Variants in TMEM114 observed in about 807,000 individuals in gnomAD.
TMEM114 encodes the protein transmembrane protein 114.
Under a neutral mutation model 6.2 loss-of-function variants are expected in TMEM114, and 6 were observed. That is an observed-to-expected ratio of 0.97 (90% confidence interval 0.53 to 1.91). The LOEUF is 1.91. Ranked by LOEUF, TMEM114 falls within the 40% of genes most tolerant of loss-of-function variation. TMEM114 has a pLI of 0.01. For missense variants in TMEM114, 218 were observed against 158.3 expected (o/e 1.38, Z -2.02); for synonymous variants, 104 against 73.0 (o/e 1.42, Z -2.16).
At chr16:8,550,295 T>C (rs1375238236) in intron 2 of TMEM114, among the ~76,000 whole-genome samples, 1 of 152,202 alleles carries the variant, frequency 6.6e-6, no homozygotes, top group South Asian at 2.1e-4. Flanking sequence ...CCAGAAACAA[T>C]ACTTTGCATC....
intron 2 of TMEM114, among the ~76,000 whole-genome samples, chr16:8,557,734 A>G (rs1901061566): frequency 1.3e-5 from 2 of 152,232 alleles, no homozygotes; most frequent in Non-Finnish European, 1.5e-5. Flanking sequence ...CATTTTGGGA[A>G]AGATAATAAC....
At chr16:8,554,705 A>C (rs1456081143) in intron 2 of TMEM114, among the ~76,000 whole-genome samples, 1 of 152,214 alleles carries the variant, frequency 6.6e-6, no homozygotes, top group African/African-American at 2.4e-5. Context: ...GAAATGAGTC[A>C]AATAAGAATC....
intron 2 of TMEM114, among the ~76,000 whole-genome samples, chr16:8,562,495 A>G (rs1901279950): frequency 6.6e-6 from 1 of 150,942 alleles, no homozygotes; most frequent in African/African-American, 2.5e-5. Flanking sequence ...TGAGTATGTG[A>G]ATGAGTAAAT....
downstream of TMEM114, among the ~76,000 whole-genome samples, chr16:8,535,943 G>T (rs537879668): frequency 2.0e-5 from 3 of 152,260 alleles, no homozygotes; most frequent in South Asian, 6.2e-4. Context: ...TGAAGGGAGT[G>T]GGGAGGGCGC....
Position 8,561,819 on chromosome 16 carries a change from A to AGTGAATGAGTGAGTGAAGGAGGAG in TMEM114, n.213-23994_213-23993insCTCCTCCTTCACTCACTCATTCAC, listed in dbSNP as rs1194191040. Reference sequence around the variant, plus strand: ...TAGTGAATGAGTGAGTGAAGGAGGGAGTGAATGAGTGAGTGAATGAGTGAG... The same window carrying AGTGAATGAGTGAGTGAAGGAGGAG: ...TAGTGAATGAGTGAGTGAAGGAGGGAGTGAATGAGTGAGTGAAGGAGGAGGTGAATGAGTGAGTGAATGAGTGAG... On this transcript the variant is annotated intron_variant and non_coding_transcript_variant, in intron 2 of 2. Coordinates refer to the TMEM114 transcript ENST00000623677. Among the ~76,000 whole-genome samples the AGTGAATGAGTGAGTGAAGGAGGAG allele has an allele frequency of 9.2e-3, 1,161 of 125,682 alleles. 21 individuals carry two copies. Among genetic ancestry groups the AGTGAATGAGTGAGTGAAGGAGGAG allele is most frequent in the African/African-American group, 0.03 (1,092 of 36,828 alleles). The allele number at this position is 125,682 out of a possible 152,430, so 82.5% of individuals were successfully genotyped here.
chr16:8,535,484 C>T (rs927194904), downstream of TMEM114, among the ~76,000 whole-genome samples: 10 of 151,886 alleles, frequency 6.6e-5, no homozygotes, highest in African/African-American at 2.2e-4. Flanking sequence ...TGAATAATTG[C>T]AGTTTGGGGT....
downstream of TMEM114, among the ~76,000 whole-genome samples, chr16:8,534,940 T>C (rs1024991759): frequency 1.3e-5 from 2 of 152,206 alleles, no homozygotes; most frequent in African/African-American, 2.4e-5. Context: ...CCTGTGCAAG[T>C]TCAGAGAACA....
At chr16:8,587,534 T>A (rs989187750) in intron 2 of TMEM114, among the ~76,000 whole-genome samples, 5 of 152,164 alleles carry the variant, frequency 3.3e-5, no homozygotes, top group Non-Finnish European at 7.3e-5. Flanking sequence ...TGCAAAATAT[T>A]TGTGGCAGGA....
intron 2 of TMEM114, among the ~76,000 whole-genome samples, chr16:8,541,569 G>T (rs1428044749): frequency 6.6e-6 from 1 of 152,048 alleles, no homozygotes; most frequent in Non-Finnish European, 1.5e-5. Context: ...ACAACATGAA[G>T]CTTCATTCCA....
chr16:8,569,663 T>G lies in TMEM114; in HGVS notation c.*110A>C. 6.9e-7 allele frequency: 1 copy of G among 1,443,514 alleles called. No homozygotes were observed. Among genetic ancestry groups the G allele is most frequent in the Non-Finnish European group, 9.1e-7 (1 of 1,102,058 alleles). The allele number at this position is 1,443,514 out of a possible 1,614,324, so 89.4% of individuals were successfully genotyped here. A position where few individuals can be genotyped will look rare whatever the true frequency, so the allele number is the denominator to read the frequency against. ...TTTGTGGGGGAAGGAGGGGGGTGCC[T>G]GGCCTCCCCGAGTGGCCTTTGAGGA... On this transcript the variant is annotated 3_prime_UTR_variant, in exon 4 of 4. Coordinates refer to ENST00000620492, the MANE Select transcript of TMEM114 (RefSeq NM_001146336.2).
intron 2 of TMEM114, among the ~76,000 whole-genome samples, chr16:8,555,197 C>G (rs1900969304): frequency 6.6e-6 from 1 of 152,198 alleles, no homozygotes; most frequent in Admixed American, 6.5e-5. Flanking sequence ...CTCATACATC[C>G]CAAAGGTATG....
At chr16:8,546,978 C>A (rs1900687240) in intron 2 of TMEM114, among the ~76,000 whole-genome samples, 1 of 152,156 alleles carries the variant, frequency 6.6e-6, no homozygotes, top group African/African-American at 2.4e-5. Context: ...GCCAACTGAG[C>A]CTTGGGTAAA....
In TMEM114 at chr16:8,547,650, C is replaced by G. The variant is rs559975077; in HGVS notation, n.213-9824G>C. ...TTGTGATCCACCCGCCTCGGCCTCC[C>G]AAAGTGCTGGGATTACAGGCATGAG... On this transcript the variant is annotated intron_variant and non_coding_transcript_variant, in intron 2 of 2. Coordinates refer to the TMEM114 transcript ENST00000623677. 2.5e-3 allele frequency among the ~76,000 whole-genome samples: 379 copies of G among 152,202 alleles called. 2 individuals are homozygous for G. Among genetic ancestry groups the G allele is most frequent in the African/African-American group, 8.7e-3 (360 of 41,532 alleles).
At chr16:8,534,602 A>G (rs11648375), downstream of TMEM114, among the ~76,000 whole-genome samples, 88,839 of 151,820 alleles carry the variant, frequency 0.59, 26,012 homozygotes, top group South Asian at 0.68. Flanking sequence ...CAGATGGGAT[A>G]ACACACACAA....
At chr16:8,549,298 G>A (rs1415778548) in intron 2 of TMEM114, among the ~76,000 whole-genome samples, 3 of 150,870 alleles carry the variant, frequency 2.0e-5, no homozygotes, top group Non-Finnish European at 2.9e-5. Flanking sequence ...TCAGGAGTTC[G>A]AGACCAGCCT....
intron 2 of TMEM114, among the ~76,000 whole-genome samples, chr16:8,539,941 T>G (rs1418495822): frequency 6.6e-6 from 1 of 152,010 alleles, no homozygotes; most frequent in African/African-American, 2.4e-5. Context: ...CCTCAGCCTC[T>G]GGAATAGCTG....
intron 2 of TMEM114, among the ~76,000 whole-genome samples, chr16:8,583,314 G>T (rs1375793075): frequency 6.6e-6 from 1 of 152,194 alleles, no homozygotes; most frequent in Non-Finnish European, 1.5e-5. Flanking sequence ...GCTCAGGAAG[G>T]CAATGTGAAT....
chr16:8,579,878 G>C (rs1902076357), intron 2 of TMEM114, among the ~76,000 whole-genome samples: 1 of 152,192 alleles, frequency 6.6e-6, no homozygotes, highest in African/African-American at 2.4e-5. Context: ...TGGGACTGCA[G>C]ACATGGACAC....
intron 2 of TMEM114, among the ~76,000 whole-genome samples, chr16:8,579,876 C>T (rs1902076158): frequency 6.6e-6 from 1 of 152,148 alleles, no homozygotes; most frequent in Non-Finnish European, 1.5e-5. Flanking sequence ...CGTGGGACTG[C>T]AGACATGGAC....
Sources: gnomAD v4.1 joint callset for allele counts (sites outside exome capture counted in the v4.1 genomes callset) on GRCh38, gnomAD v4.1.1 for gene constraint, MANE v1.5 for transcripts, NCBI Gene and HGNC (gene_info 2026-07-23, HGNC 2026-07-21) for gene names.